Variants in EFR3B observed in about 807,000 individuals in gnomAD.
EFR3B encodes the protein EFR3 homolog B, also known as protein EFR3 homolog B.
EFR3B carries 64 observed loss-of-function variants against 104.7 expected under a neutral mutation model. The observed-to-expected ratio is 0.61, with a 90% CI of 0.50 to 0.75. The LOEUF (loss-of-function observed/expected upper bound fraction) is 0.75, where lower values mean the gene tolerates loss of function less well. Ranked by LOEUF, EFR3B falls within the 30% of genes least tolerant of loss-of-function variation. The pLI is 0.00. For missense variants in EFR3B, 750 were observed against 1,078.5 expected (o/e 0.70, Z 4.27); for synonymous variants, 385 against 417.9 (o/e 0.92, Z 0.96).
chr2:25,073,553 C>A (rs1009723426), intron 1 of EFR3B, among the ~76,000 whole-genome samples: 3 of 151,944 alleles, frequency 2.0e-5, no homozygotes, highest in African/African-American at 7.3e-5. Flanking sequence ...AGAGGAGTTT[C>A]GCCATGTTTC....
At chr2:25,102,045 G>A (rs1052148732) in intron 3 of EFR3B, among the ~76,000 whole-genome samples, 3 of 152,198 alleles carry the variant, frequency 2.0e-5, no homozygotes, top group Admixed American at 6.5e-5. Flanking sequence ...GCTTAGAGGT[G>A]CCTTTCTCCT....
At chr2:25,146,141 A>G (rs1215413154) in intron 19 of EFR3B, 2 of 149,232 alleles carry the variant, frequency 1.3e-5, no homozygotes, top group Non-Finnish European at 3.0e-5. Flanking sequence ...TACGGAGGAC[A>G]CACATCTGGG....
At chr2:25,142,619 T>C (rs868140003) in intron 17 of EFR3B, among the ~76,000 whole-genome samples, 20 of 150,178 alleles carry the variant, frequency 1.3e-4, no homozygotes, top group African/African-American at 4.7e-4. Flanking sequence ...ATTAGCCAGG[T>C]GTGGTGGCGT....
At chr2:25,074,467 A>G (rs2149176251) in intron 1 of EFR3B, among the ~76,000 whole-genome samples, 1 of 151,590 alleles carries the variant, frequency 6.6e-6, no homozygotes, top group African/African-American at 2.4e-5. Context: ...CAGGAGGCTG[A>G]GGCAGGAGAA....
At chr2:25,075,464 A>G (rs909373301) in intron 1 of EFR3B, among the ~76,000 whole-genome samples, 2 of 152,104 alleles carry the variant, frequency 1.3e-5, no homozygotes, top group African/African-American at 4.8e-5. Flanking sequence ...CCTCTTTCTC[A>G]CTAAACAATG....
chr2:25,109,317 C>T (rs1669655271), intron 4 of EFR3B, among the ~76,000 whole-genome samples: 1 of 152,168 alleles, frequency 6.6e-6, no homozygotes, highest in South Asian at 2.1e-4. Flanking sequence ...CAACAAGACA[C>T]CACTTCACAC....
chr2:25,098,514 G>T (rs895085130), intron 3 of EFR3B, among the ~76,000 whole-genome samples: 1 of 152,116 alleles, frequency 6.6e-6, no homozygotes, highest in Non-Finnish European at 1.5e-5. Context: ...GGGATCCCAG[G>T]CTCTATTCCT....
chr2:25,079,249 T>C (rs1668721558), intron 1 of EFR3B, among the ~76,000 whole-genome samples: 1 of 152,210 alleles, frequency 6.6e-6, no homozygotes, highest in Non-Finnish European at 1.5e-5. Flanking sequence ...GTGAAGAGAC[T>C]GGCCAGGTCC....
Position 25,132,918 on chromosome 2 carries a change from C to T in EFR3B, c.1163C>T (p.Thr388Met), listed in dbSNP as rs985500720. 57 of 1,550,932 alleles carry T rather than the reference C, an allele frequency of 3.7e-5. No homozygotes were observed. The highest frequency in any genetic ancestry group is 4.4e-5 in the Non-Finnish European group (51 of 1,146,940). Reference sequence around the variant, plus strand: ...CCTCCTGCAGGCTCCTTTGCCAGCACGCTGCCCACCTACCAGCGCTCCGAG... The same window carrying T: ...CCTCCTGCAGGCTCCTTTGCCAGCATGCTGCCCACCTACCAGCGCTCCGAG... ...VIKTVGSFAS[T>M]LPTYQRSEVI... Residue 388 changes from threonine to methionine, a missense_variant, in exon 11 of 23, where the codon ACG becomes ATG. Coordinates refer to ENST00000403714, the MANE Select transcript of EFR3B (RefSeq NM_014971.2).
At chr2:25,148,982 C>T (rs1458147789) in intron 19 of EFR3B, among the ~76,000 whole-genome samples, 1 of 144,234 alleles carries the variant, frequency 6.9e-6, no homozygotes, top group African/African-American at 2.5e-5. Flanking sequence ...CTGAAATTTA[C>T]ATCTGAGATT....
chr2:25,069,852 AC>A, intron 1 of EFR3B, among the ~76,000 whole-genome samples: 1 of 152,160 alleles, frequency 6.6e-6, no homozygotes, highest in East Asian at 1.9e-4. Flanking sequence ...ATGCGCCACC[AC>A]GCCTGGCTAA....
chr2:25,059,776 G>A (rs1264696002), intron 1 of EFR3B, among the ~76,000 whole-genome samples: 3 of 151,106 alleles, frequency 2.0e-5, no homozygotes, highest in Admixed American at 6.6e-5. Context: ...TCGGGAGGCC[G>A]AGGCAGGAGA....
At chr2:25,069,073 A>G (rs931113001) in intron 1 of EFR3B, among the ~76,000 whole-genome samples, 3 of 149,454 alleles carry the variant, frequency 2.0e-5, no homozygotes, top group Non-Finnish European at 3.0e-5. Flanking sequence ...ACACCCAGCT[A>G]ATTTTTGTAT....
At chr2:25,135,696 G>T (rs991619210) in intron 13 of EFR3B, 57 bp downstream of exon 13, 1 of 1,528,480 alleles carries the variant, frequency 6.5e-7, no homozygotes. Flanking sequence ...CTCTCCATTA[G>T]GTCCTATCCT....
At chr2:25,105,680 T>C (rs1270236816) in intron 4 of EFR3B, among the ~76,000 whole-genome samples, 1 of 152,230 alleles carries the variant, frequency 6.6e-6, no homozygotes, top group Non-Finnish European at 1.5e-5. Flanking sequence ...CTTCAGATAC[T>C]GTTTTAGTTG....
At position 25,137,329 on chromosome 2, in the gene EFR3B, TC is replaced by T. The variant is rs768548908; in HGVS notation, c.1561-10del. ...CCTCCGACCCTGGCCTTCTGCCCGC[TC>T]CTGTCCCCAGCACTCCCAGCAGCTC... On this transcript the variant is annotated splice_polypyrimidine_tract_variant and intron_variant, in intron 14 of 22. Coordinates refer to ENST00000403714, the MANE Select transcript of EFR3B (RefSeq NM_014971.2). This position sits in a 1 kb window ranked among gnomAD's most constrained non-coding sequence, Gnocchi z 4.7. The T allele has an allele frequency of 5.3e-5, 83 of 1,551,952 alleles. No homozygotes were observed. Among genetic ancestry groups the T allele is most frequent in the Non-Finnish European group, 6.8e-5 (78 of 1,147,092 alleles).
intron 11 of EFR3B, 58 bp downstream of exon 11, chr2:25,133,072 A>AC (rs1670416380): frequency 1.4e-6 from 2 of 1,445,030 alleles, no homozygotes; most frequent in Admixed American, 4.0e-5. Flanking sequence ...GCATTTTCTG[A>AC]CCCCCTCCTT....
At chr2:25,090,688 T>C (rs1669087197) in intron 1 of EFR3B, among the ~76,000 whole-genome samples, 1 of 152,204 alleles carries the variant, frequency 6.6e-6, no homozygotes, top group Non-Finnish European at 1.5e-5. Flanking sequence ...TAAAGATGCA[T>C]CGTCAAATGT....
In EFR3B at chr2:25,128,170, C is replaced by A. The variant is rs951831285; in HGVS notation, c.486-13C>A. On this transcript the variant is annotated splice_polypyrimidine_tract_variant and intron_variant, in intron 5 of 22. Transcript: ENST00000403714. ...GAGGACTTCCGAGTCCCACTTCACCCTTTTCCTTACAGAATTCGAATGTCA... is the reference window on the plus strand; with the variant it reads ...GAGGACTTCCGAGTCCCACTTCACCATTTTCCTTACAGAATTCGAATGTCA... 6.4e-7 allele frequency: 1 copy of A among 1,551,610 alleles called. No homozygotes were observed. The highest frequency in any genetic ancestry group is 8.7e-7 in the Non-Finnish European group (1 of 1,146,932).
Sources: gnomAD v4.1 joint callset for allele counts (sites outside exome capture counted in the v4.1 genomes callset) on GRCh38, gnomAD v4.1.1 for gene constraint, Gnocchi (gnomAD v3.1) non-coding constraint, MANE v1.5 for transcripts, NCBI Gene and HGNC (gene_info 2026-07-23, HGNC 2026-07-21) for gene names.